NUP42: variants seen among roughly 807,000 people sequenced by gnomAD.
NUP42 encodes the protein nucleoporin 42, also known as nucleoporin NUP42.
NUP42 carries 47 observed loss-of-function variants against 35.9 expected under a neutral mutation model. The ratio of observed to expected loss-of-function variants is 1.31; its 90% CI spans 1.04 to 1.67. The LOEUF (loss-of-function observed/expected upper bound fraction) is 1.67, where lower values mean the gene tolerates loss of function less well. Ranked by LOEUF, NUP42 falls within the 40% of genes most tolerant of loss-of-function variation. The pLI, the probability that NUP42 is intolerant of heterozygous loss-of-function variation, is 0.00. For synonymous variants in NUP42, 173 were observed against 173.3 expected (o/e 1.00, Z 0.01); for missense variants, 514 against 492.2 (o/e 1.04, Z -0.42).
chr7:23,188,600 C>T (rs985539127), intron 3 of NUP42: 167 of 929,240 alleles, frequency 1.8e-4, no homozygotes, highest in Non-Finnish European at 2.1e-4. Flanking sequence ...TTCAGATAAA[C>T]AGTGTTTTTA....
At position 23,182,094 on chromosome 7, in the gene NUP42, T is replaced by G; in HGVS notation, c.9T>G (p.Ile3Met). Residue 3 changes from isoleucine (I) to methionine (M), a missense_variant, in exon 1 of 7, where the codon ATT (isoleucine) becomes ATG (methionine). Coordinates refer to ENST00000258742, the MANE Select transcript of NUP42 (RefSeq NM_007342.3). ...TCAGCGACGCCGTCGCAATGGCCATTTGTCAATTCTTCCTTCAAGGCCGGT... is the reference window on the plus strand; with the variant it reads ...TCAGCGACGCCGTCGCAATGGCCATGTGTCAATTCTTCCTTCAAGGCCGGT... The part of the protein sequence containing the change: MA[I>M]CQFFLQGRCR... 1 of 1,613,876 alleles carries G rather than the reference T, an allele frequency of 6.2e-7. No individual in the cohort carries two copies.
Position 23,200,970 on chromosome 7 carries a change from A to G in NUP42, c.*225A>G, listed in dbSNP as rs1045475252. On this transcript the variant is annotated 3_prime_UTR_variant, in exon 7 of 7. Coordinates refer to ENST00000258742, the MANE Select transcript of NUP42 (RefSeq NM_007342.3). Reference sequence around the variant, plus strand: ...TGTACTGTAATTTTGAATGGAACTGAAAAATTATGCACGAATAAAGTACTT... The same window carrying G: ...TGTACTGTAATTTTGAATGGAACTGGAAAATTATGCACGAATAAAGTACTT... 21 of 290,478 alleles carry G rather than the reference A, an allele frequency of 7.2e-5. No individual in the cohort carries two copies. Among genetic ancestry groups the G allele is most frequent in the Non-Finnish European group, 1.1e-4 (17 of 158,946 alleles). The allele number at this position is 290,478 out of a possible 1,614,324, so 18.0% of individuals were successfully genotyped here.
chr7:23,200,526 T>A lies in NUP42; in HGVS notation c.1053T>A (p.His351Gln), dbSNP rs1439178947. 1.2e-6 allele frequency: 2 copies of A among 1,614,088 alleles called. No individual in the cohort carries two copies. Among genetic ancestry groups the A allele is most frequent in the Non-Finnish European group, 1.7e-6 (2 of 1,179,940 alleles). The change falls in exon 7 of 7, where the codon CAT becomes CAA. Residue 351 changes from histidine (H) to glutamine (Q), a missense_variant. Coordinates refer to ENST00000258742, the MANE Select transcript of NUP42 (RefSeq NM_007342.3). ...CTGGTTTTGGTAGTCCGGGCTCACATTCTCACACTGCTTTTTCTAAGCCAT... is the reference window on the plus strand; with the variant it reads ...CTGGTTTTGGTAGTCCGGGCTCACAATCTCACACTGCTTTTTCTAAGCCAT... ...SVAGFGSPGS[H>Q]SHTAFSKPSS... is the part of the protein sequence containing the mutation.
chr7:23,182,961 T>G (rs1052342851), intron 1 of NUP42, among the ~76,000 whole-genome samples: 2 of 151,244 alleles, frequency 1.3e-5, no homozygotes, highest in Non-Finnish European at 2.9e-5. Context: ...TAATAAAACC[T>G]ATAGAGCCAT....
rs1172738995 is a variant in NUP42, at chr7:23,198,205, C to CTTTTTTTTTTTT, written c.610-1239_610-1228dup. On this transcript the variant is annotated intron_variant, in intron 5 of 6. Transcript: ENST00000258742. ...TTGCAGTCTCAAAAACAAAAGCATT[C>CTTTTTTTTTTTT]TTTTTTTTTTTTTTTTTTTTTTTTT... is the stretch of plus-strand genomic sequence containing the variant. 20 of 73,676 alleles carry CTTTTTTTTTTTT rather than the reference C, an allele frequency of 2.7e-4. 3 individuals are homozygous for CTTTTTTTTTTTT. Among genetic ancestry groups the CTTTTTTTTTTTT allele is most frequent in the African/African-American group, 1.2e-3 (20 of 16,392 alleles). 4.6% of individuals were successfully genotyped at this position (73,676 alleles called of 1,614,324 possible). A position where few individuals can be genotyped will look rare whatever the true frequency, so the allele number is the denominator to read the frequency against.
chr7:23,197,853 G>T (rs1230493497), intron 5 of NUP42, among the ~76,000 whole-genome samples: 3 of 151,984 alleles, frequency 2.0e-5, no homozygotes, highest in Non-Finnish European at 4.4e-5. Flanking sequence ...AAAAAAAATA[G>T]TGTAGACCAT....
intron 2 of NUP42, among the ~76,000 whole-genome samples, chr7:23,186,178 A>G (rs1785588689): frequency 6.6e-6 from 1 of 152,268 alleles, no homozygotes; most frequent in South Asian, 2.1e-4. Flanking sequence ...GCTGGTGTCA[A>G]AACAATGCTT....
chr7:23,200,828 T>TATGC lies in NUP42; in HGVS notation c.*85_*86insGCAT. 4.2e-6 allele frequency: 3 copies of TATGC among 707,122 alleles called. No homozygotes were observed. The highest frequency in any genetic ancestry group is 6.5e-6 in the Non-Finnish European group (3 of 462,386). The allele number at this position is 707,122 out of a possible 1,614,324, so 43.8% of individuals were successfully genotyped here. A position where few individuals can be genotyped will look rare whatever the true frequency, so the allele number is the denominator to read the frequency against. On this transcript the variant is annotated 3_prime_UTR_variant, in exon 7 of 7. Transcript: ENST00000258742. ...ACAGAGATGTATATATGCATACATG[T>TATGC]ATATATTCATAAGGAATATAAGCTT...
At chr7:23,182,558 C>T (rs1785446104) in intron 1 of NUP42, 1 of 983,448 alleles carries the variant, frequency 1.0e-6, no homozygotes, top group Non-Finnish European at 1.2e-6. Flanking sequence ...CAGCTTGGGT[C>T]AGAATCAGGA....
intron 1 of NUP42, among the ~76,000 whole-genome samples, chr7:23,182,861 C>T (rs1175442414): frequency 6.7e-6 from 1 of 149,110 alleles, no homozygotes; most frequent in East Asian, 2.0e-4. Flanking sequence ...TTGCAGTGGG[C>T]CGAGATCGTG....
At chr7:23,186,916 A>T (rs954304901) in intron 2 of NUP42, 136 bp from the exon 3 acceptor site, 2 of 593,452 alleles carry the variant, frequency 3.4e-6, no homozygotes, top group African/African-American at 3.7e-5. Context: ...TGTGCTTTAA[A>T]GAACACTCTT....
chr7:23,188,006 TA>T (rs1785657576), intron 3 of NUP42: 1 of 1,049,498 alleles, frequency 9.5e-7, no homozygotes. Context: ...TTTTATTTTT[TA>T]TTTTTATTTT....
Position 23,200,447 on chromosome 7 carries a change from C to CA in NUP42, c.975dup (p.Gly326ArgfsTer22). ...TCAGGACTTCCAGCTTCCTTGGCAA[C>CA]AGGTCCTGTCAGAGCTCCAGTGGCC... On this transcript the variant is annotated frameshift_variant, in exon 7 of 7. Transcript: ENST00000258742. LOFTEE classifies it low-confidence loss of function (END_TRUNC). 6.2e-7 allele frequency: 1 copy of CA among 1,614,242 alleles called. No individual in the cohort carries two copies. The highest frequency in any genetic ancestry group is 1.3e-5 in the African/African-American group (1 of 75,058).
At chr7:23,190,109 G>C (rs1769820530) in intron 3 of NUP42, among the ~76,000 whole-genome samples, 1 of 152,146 alleles carries the variant, frequency 6.6e-6, no homozygotes, top group African/African-American at 2.4e-5. Context: ...TCATTAGTAT[G>C]GCTTGAGTCT....
chr7:23,184,336 AT>A (rs1785519280), intron 1 of NUP42, among the ~76,000 whole-genome samples: 1 of 152,112 alleles, frequency 6.6e-6, no homozygotes, highest in African/African-American at 2.4e-5. Flanking sequence ...TTCAATGTCC[AT>A]TTTTCAGCCT....
intron 1 of NUP42, among the ~76,000 whole-genome samples, chr7:23,184,716 G>C (rs1406752860): frequency 6.6e-6 from 1 of 152,152 alleles, no homozygotes; most frequent in East Asian, 1.9e-4. Context: ...AGATTTTAAA[G>C]AACAGTTGCT....
In NUP42 at chr7:23,199,347, C is replaced by T; in HGVS notation, c.610-111C>T. On this transcript the variant is annotated intron_variant, in intron 5 of 6. Transcript: ENST00000258742. ...GATTACAGGTGTGAGCCACCACACC[C>T]AGCCTTTAATGCACATTTTAAAAAC... The T allele has an allele frequency of 3.5e-6, 3 of 852,004 alleles. No homozygotes were observed. In the East Asian group the frequency reaches 7.8e-5, roughly 22 times the overall value. The allele number at this position is 852,004 out of a possible 1,614,324, so 52.8% of individuals were successfully genotyped here.
intron 3 of NUP42, among the ~76,000 whole-genome samples, chr7:23,193,247 G>A (rs1191182121): frequency 6.6e-6 from 1 of 152,230 alleles, no homozygotes; most frequent in African/African-American, 2.4e-5. Context: ...CTTCCACAGT[G>A]TGGAAGAGGA....
intron 1 of NUP42, among the ~76,000 whole-genome samples, chr7:23,184,814 C>T (rs565331889): frequency 1.3e-5 from 2 of 151,960 alleles, no homozygotes; most frequent in East Asian, 1.9e-4. Flanking sequence ...AGACCAACCC[C>T]GGGCAATATG....
Sources: gnomAD v4.1 joint callset for allele counts (sites outside exome capture counted in the v4.1 genomes callset) on GRCh38, gnomAD v4.1.1 for gene constraint, MANE v1.5 for transcripts, NCBI Gene and HGNC (gene_info 2026-07-23, HGNC 2026-07-21) for gene names.